PTPN21: variants seen among roughly 807,000 people sequenced by gnomAD.
PTPN21 encodes tyrosine-protein phosphatase non-receptor type 21.
PTPN21 carries 77 observed loss-of-function variants against 131.8 expected under a neutral mutation model. The observed-to-expected ratio is 0.58, with a 90% CI of 0.49 to 0.71. The LOEUF (loss-of-function observed/expected upper bound fraction) is 0.71, where lower values mean the gene tolerates loss of function less well. Ranked by LOEUF, PTPN21 falls within the 30% of genes least tolerant of loss-of-function variation. PTPN21 has a pLI of 0.00. For synonymous variants in PTPN21, 715 were observed against 621.3 expected (o/e 1.15, Z -2.24); for missense variants, 1,552 against 1,527.1 (o/e 1.02, Z -0.27).
chr14:88,537,956 C>G (rs2078653495), intron 2 of PTPN21, among the ~76,000 whole-genome samples: 2 of 152,200 alleles, frequency 1.3e-5, no homozygotes, highest in African/African-American at 4.8e-5. Flanking sequence ...AGGAAAGGTA[C>G]AGTAAAAATA....
intron 13 of PTPN21, among the ~76,000 whole-genome samples, chr14:88,476,508 G>C (rs910191753): frequency 6.6e-6 from 1 of 152,076 alleles, no homozygotes; most frequent in African/African-American, 2.4e-5. Context: ...GCAAATCTTT[G>C]GTTAAAATCA....
At chr14:88,546,279 C>T (rs2078778161) in intron 2 of PTPN21, among the ~76,000 whole-genome samples, 1 of 151,392 alleles carries the variant, frequency 6.6e-6, no homozygotes, top group Non-Finnish European at 1.5e-5. Context: ...ATTATAGGCC[C>T]GGGCACGTTG....
Position 88,468,935 on chromosome 14 carries a change from G to A in PTPN21, c.3377C>T (p.Ala1126Val). Residue 1126 changes from alanine to valine, a missense_variant, in exon 18 of 19, where the codon GCC (alanine) becomes GTC (valine). By Grantham distance (64) the Ala-to-Val change is moderately conservative. Transcript: ENST00000556564. Reference sequence around the variant, plus strand: ...CATCACCTCATTGTGTTCCAGGCAGGCGATCATGATCTCCGACAAAATCAC... The same window carrying A: ...CATCACCTCATTGTGTTCCAGGCAGACGATCATGATCTCCGACAAAATCAC... Reference protein sequence around the residue: ...GVVILSEIMIACLEHNEVLDI... With the variant: ...GVVILSEIMIVCLEHNEVLDI... The A allele has an allele frequency of 6.2e-7, 1 of 1,614,140 alleles. No individual in the cohort carries two copies. The highest frequency in any genetic ancestry group is 8.5e-7 in the Non-Finnish European group (1 of 1,180,032).
intron 2 of PTPN21, among the ~76,000 whole-genome samples, chr14:88,537,270 C>G (rs1015100857): frequency 2.0e-5 from 3 of 152,026 alleles, no homozygotes; most frequent in Non-Finnish European, 4.4e-5. Context: ...AAGGAAGAGT[C>G]AAATGATAAG....
intron 3 of PTPN21, chr14:88,513,801 C>T (rs1453825807): frequency 6.6e-6 from 1 of 152,150 alleles, no homozygotes; most frequent in Admixed American, 6.5e-5. Context: ...ATAATCATTG[C>T]CTCATATTTC....
rs370670674 is a variant in PTPN21, at chr14:88,469,764, G to A, written c.3001-31C>T. On this transcript the variant is annotated intron_variant, in intron 16 of 18. Transcript: ENST00000556564. The surrounding 1 kb of genome is among the most constrained non-coding windows in gnomAD (Gnocchi z 4.3). ...AAAGATGAGCATGGTTAAATGACTC[G>A]AGATCCGGCAATGGATGCCTTTCTC... 8.3e-5 allele frequency: 133 copies of A among 1,610,118 alleles called. 4 individuals carry two copies. Among genetic ancestry groups the A allele is most frequent in the Middle Eastern group, 4.9e-4 (3 of 6,082 alleles).
At chr14:88,543,932 G>A (rs1249851493) in intron 2 of PTPN21, among the ~76,000 whole-genome samples, 1 of 151,868 alleles carries the variant, frequency 6.6e-6, no homozygotes. Flanking sequence ...CTCAGAAACA[G>A]CTGAAAGAAA....
Position 88,501,391 on chromosome 14 carries a change from T to C in PTPN21, c.588-23A>G, listed in dbSNP as rs568526949. On this transcript the variant is annotated intron_variant, in intron 6 of 18. Coordinates refer to ENST00000556564, the MANE Select transcript of PTPN21 (RefSeq NM_007039.4). ...CCTCTGCAACCCAAAAGAAGCAAGA[T>C]TGTTCACAAAGCAAGCTTAAAATGG... 352 of 1,594,816 alleles carry C rather than the reference T, an allele frequency of 2.2e-4. 4 individuals are homozygous for C. In the South Asian group the frequency reaches 3.3e-3, roughly 15 times the overall value.
At chr14:88,533,152 C>T (rs1756371738) in intron 2 of PTPN21, among the ~76,000 whole-genome samples, 2 of 152,120 alleles carry the variant, frequency 1.3e-5, no homozygotes, top group South Asian at 4.1e-4. Flanking sequence ...ATTGGGGTTT[C>T]ATTACTTCAC....
Position 88,479,741 on chromosome 14 carries a change from G to C in PTPN21, c.1690C>G (p.Arg564Gly), listed in dbSNP as rs773943864. The C allele has an allele frequency of 6.5e-7, 1 of 1,536,440 alleles. No homozygotes were observed. The highest frequency in any genetic ancestry group is 8.7e-7 in the Non-Finnish European group (1 of 1,149,134). Residue 564 changes from arginine (R) to glycine (G), a missense_variant, in exon 13 of 19, where the codon CGG (arginine) becomes GGG (glycine). Physicochemically the swap from Arg to Gly is moderately radical, Grantham distance 125 (BLOSUM62 -2). Around this residue, in one of 4 missense-constraint regions of PTPN21, gnomAD observed 1,016 missense variants for 883.5 expected, o/e 1.15. Coordinates refer to ENST00000556564, the MANE Select transcript of PTPN21 (RefSeq NM_007039.4). ...SPNIMRTQVY[R>G]PPPPYPPPRP... is the part of the protein sequence containing the mutation. The stretch of plus-strand genomic sequence containing the variant: ...GGGGGCGGGTAGGGTGGGGGTGGCC[G>C]GTACACCTGCGTCCGCATGATGTTG...
intron 2 of PTPN21, among the ~76,000 whole-genome samples, chr14:88,544,530 C>T (rs1308687818): frequency 6.6e-6 from 1 of 152,166 alleles, no homozygotes; most frequent in Non-Finnish European, 1.5e-5. Context: ...ACACCGAATC[C>T]TCATAACCAC....
At chr14:88,491,329 G>T (rs2077820713) in intron 10 of PTPN21, among the ~76,000 whole-genome samples, 1 of 152,146 alleles carries the variant, frequency 6.6e-6, no homozygotes, top group Admixed American at 6.6e-5. Context: ...AATAGATCAG[G>T]ACTGGGGGTA....
chr14:88,482,162 G>A (rs1227764012), intron 12 of PTPN21, among the ~76,000 whole-genome samples: 1 of 152,220 alleles, frequency 6.6e-6, no homozygotes, highest in Non-Finnish European at 1.5e-5. Context: ...TGGGGTAAGG[G>A]CACCTGAGGG....
chr14:88,532,259 T>C (rs961831013), intron 2 of PTPN21, among the ~76,000 whole-genome samples: 1 of 152,212 alleles, frequency 6.6e-6, no homozygotes. Flanking sequence ...TAAATCATTC[T>C]ATGAAGCCAG....
intron 5 of PTPN21, 36 bp from the exon 6 acceptor site, chr14:88,504,531 T>G: frequency 1.3e-6 from 2 of 1,530,852 alleles, no homozygotes; most frequent in Non-Finnish European, 1.8e-6. Flanking sequence ...ATGTGACAAT[T>G]CACCCCAATT....
chr14:88,508,775 A>T (rs1353312121), intron 3 of PTPN21, among the ~76,000 whole-genome samples: 1 of 152,214 alleles, frequency 6.6e-6, no homozygotes, highest in Non-Finnish European at 1.5e-5. Context: ...GATATTTCAG[A>T]CCAGGCTGAT....
At chr14:88,553,860 A>G (rs1000708767) in intron 1 of PTPN21, among the ~76,000 whole-genome samples, 2 of 152,180 alleles carry the variant, frequency 1.3e-5, no homozygotes, top group African/African-American at 4.8e-5. Context: ...AAATAAAATA[A>G]GCACTAAAAG....
At chr14:88,492,937 AAG>A in intron 10 of PTPN21, 1 of 367,742 alleles carries the variant, frequency 2.7e-6, no homozygotes, top group Non-Finnish European at 5.4e-6. Flanking sequence ...TTCATCAAAC[AAG>A]AGAGACAGAT....
At chr14:88,539,547 C>T (rs1384122682) in intron 2 of PTPN21, among the ~76,000 whole-genome samples, 1 of 152,168 alleles carries the variant, frequency 6.6e-6, no homozygotes. Flanking sequence ...CACGCCTGGC[C>T]TTCTTTCCCT....
Sources: gnomAD v4.1 joint callset for allele counts (sites outside exome capture counted in the v4.1 genomes callset) on GRCh38, gnomAD v4.1.1 for gene constraint, gnomAD v4.1.1 regional missense constraint, Gnocchi (gnomAD v3.1) non-coding constraint, MANE v1.5 for transcripts, NCBI Gene and HGNC (gene_info 2026-07-23, HGNC 2026-07-21) for gene names.